TRPM3: variants seen among roughly 807,000 people sequenced by gnomAD.
TRPM3 encodes the protein transient receptor potential cation channel subfamily M member 3.
In TRPM3, 77 loss-of-function variants were observed where a neutral mutation model predicts 181.2. That is an observed-to-expected ratio of 0.42 (90% CI 0.35 to 0.51). The LOEUF (loss-of-function observed/expected upper bound fraction) is 0.51. Among genes scored for constraint, TRPM3 ranks in the 20% least tolerant of loss-of-function variants. The pLI, the probability that TRPM3 is intolerant of heterozygous loss-of-function variation, is 0.01. For missense variants in TRPM3, 1,759 were observed against 2,196.7 expected, an observed-to-expected ratio of 0.80 and a Z score of 3.98; for synonymous variants, 745 against 796.4, an observed-to-expected ratio of 0.94 and a Z score of 1.09.
At chr9:70,913,367 A>G (rs2096557946) in intron 1 of TRPM3, among the ~76,000 whole-genome samples, 1 of 152,174 alleles carries the variant, frequency 6.6e-6, no homozygotes, top group African/African-American at 2.4e-5. Context: ...AGTGCAGTGT[A>G]GTGACCTCTT....
intron 1 of TRPM3, among the ~76,000 whole-genome samples, chr9:70,904,276 C>G (rs914086879): frequency 6.6e-6 from 1 of 152,078 alleles, no homozygotes; most frequent in Non-Finnish European, 1.5e-5. Context: ...ACTTGACTAT[C>G]CAAAAAGCAG....
chr9:71,399,364 T>C (rs1250132864), intron 1 of TRPM3, among the ~76,000 whole-genome samples: 1 of 152,046 alleles, frequency 6.6e-6, no homozygotes, highest in Admixed American at 6.5e-5. Flanking sequence ...ATAAACTACA[T>C]AGAAAACTGT....
chr9:70,641,014 G>A (rs1233840267), intron 9 of TRPM3, among the ~76,000 whole-genome samples: 1 of 152,000 alleles, frequency 6.6e-6, no homozygotes, highest in African/African-American at 2.4e-5. Context: ...TTAATAGCAC[G>A]CCTTGACTGA....
chr9:70,893,262 C>G (rs2096238484), intron 1 of TRPM3, among the ~76,000 whole-genome samples: 2 of 152,108 alleles, frequency 1.3e-5, no homozygotes, highest in Non-Finnish European at 2.9e-5. Flanking sequence ...TGGACCATGC[C>G]AGGGGCTTGG....
At chr9:71,365,635 T>G (rs983803719) in intron 1 of TRPM3, among the ~76,000 whole-genome samples, 1 of 152,150 alleles carries the variant, frequency 6.6e-6, no homozygotes, top group Non-Finnish European at 1.5e-5. Flanking sequence ...CCCTCCTTAT[T>G]ATATTGGGGT....
chr9:70,856,698 T>C (rs900671717), intron 3 of TRPM3, among the ~76,000 whole-genome samples: 2 of 151,964 alleles, frequency 1.3e-5, no homozygotes, highest in Non-Finnish European at 2.9e-5. Context: ...GAGCTTTAAG[T>C]GTGAAAATGA....
chr9:70,966,886 T>A (rs2097190900), intron 1 of TRPM3, among the ~76,000 whole-genome samples: 1 of 152,086 alleles, frequency 6.6e-6, no homozygotes, highest in Non-Finnish European at 1.5e-5. Context: ...GAACTTCAAA[T>A]AAGAGTTTAA....
chr9:70,999,218 T>C (rs1426203481), intron 1 of TRPM3, among the ~76,000 whole-genome samples: 1 of 152,242 alleles, frequency 6.6e-6, no homozygotes, highest in African/African-American at 2.4e-5. Context: ...TGAAGGCTAG[T>C]AATATACTGT....
intron 1 of TRPM3, among the ~76,000 whole-genome samples, chr9:71,089,075 T>A (rs750846675): frequency 1.6e-4 from 23 of 148,194 alleles, no homozygotes; most frequent in Non-Finnish European, 2.8e-4. Flanking sequence ...AGCTTGTAAA[T>A]CACATATATG....
intron 22 of TRPM3, among the ~76,000 whole-genome samples, chr9:70,561,510 T>G (rs1032819478): frequency 8.5e-5 from 13 of 152,186 alleles, no homozygotes; most frequent in Non-Finnish European, 1.9e-4. Flanking sequence ...AGTAGGTGAC[T>G]GCCAATATCC....
In TRPM3 at chr9:71,016,710, T is replaced by C. The variant is rs76749479; in HGVS notation, c.177+104468A>G. Among the ~76,000 whole-genome samples the C allele has an allele frequency of 1.7e-4, 26 of 152,312 alleles. No homozygotes were observed. In the East Asian group the frequency reaches 4.8e-3, roughly 28 times the overall value. On this transcript the variant is annotated intron_variant, in intron 1 of 25. Coordinates refer to ENST00000677713, the MANE Select transcript of TRPM3 (RefSeq NM_001366145.2). ...CATCTTTTGGCTATTGTGAATAATA[T>C]TGCTATGAAGATTATGATACAATTT...
Position 70,867,139 on chromosome 9 carries a change from C to A in TRPM3, c.178-2628G>T, listed in dbSNP as rs79009487. On this transcript the variant is annotated intron_variant, in intron 1 of 25. Transcript: ENST00000677713. ...ATTCCCCTCTTCTAGTCCCCACATG[C>A]GCAGGAATGAATACTCTGCTATGTC... 2.5e-3 allele frequency among the ~76,000 whole-genome samples: 378 copies of A among 152,068 alleles called. 1 individual carries two copies. Among genetic ancestry groups the A allele is most frequent in the African/African-American group, 8.8e-3 (364 of 41,496 alleles).
At chr9:70,675,355 C>A (rs908804329) in intron 9 of TRPM3, among the ~76,000 whole-genome samples, 1 of 152,184 alleles carries the variant, frequency 6.6e-6, no homozygotes, top group African/African-American at 2.4e-5. Context: ...CTCGGCCTCC[C>A]AAAGTGCTGG....
chr9:71,098,344 G>C (rs2067676696), intron 1 of TRPM3, among the ~76,000 whole-genome samples: 1 of 152,160 alleles, frequency 6.6e-6, no homozygotes, highest in African/African-American at 2.4e-5. Flanking sequence ...TACATCATCT[G>C]TTAGCTGGAG....
intron 1 of TRPM3, among the ~76,000 whole-genome samples, chr9:71,297,967 C>T (rs191166652): frequency 6.6e-6 from 1 of 152,090 alleles, no homozygotes; most frequent in African/African-American, 2.4e-5. Context: ...CCAACTCATA[C>T]TGGTCTCTTA....
At chr9:70,995,794 T>C (rs1288379449) in intron 1 of TRPM3, among the ~76,000 whole-genome samples, 1 of 152,200 alleles carries the variant, frequency 6.6e-6, no homozygotes, top group Admixed American at 6.5e-5. Context: ...ACCCAGTTGC[T>C]GTCTGACCCA....
intron 1 of TRPM3, among the ~76,000 whole-genome samples, chr9:71,238,057 T>C (rs910451890): frequency 6.6e-6 from 1 of 152,176 alleles, no homozygotes; most frequent in Non-Finnish European, 1.5e-5. Flanking sequence ...CTTCTGATTG[T>C]TCACTACAAT....
chr9:71,116,007 G>A (rs1422174580), intron 1 of TRPM3, among the ~76,000 whole-genome samples: 1 of 152,050 alleles, frequency 6.6e-6, no homozygotes, highest in East Asian at 1.9e-4. Flanking sequence ...TTTTCTTAAG[G>A]AAATCTGAGG....
intron 7 of TRPM3, among the ~76,000 whole-genome samples, chr9:70,780,604 C>T (rs2130785717): frequency 6.6e-6 from 1 of 151,968 alleles, no homozygotes; most frequent in Middle Eastern, 3.4e-3. Flanking sequence ...TTAAAATTGG[C>T]TGCACATGTG....
Sources: allele counts gnomAD v4.1 joint callset (sites outside exome capture counted in the v4.1 genomes callset), GRCh38; gene constraint gnomAD v4.1.1; transcripts MANE v1.5; gene names NCBI Gene and HGNC (gene_info 2026-07-23, HGNC 2026-07-21).